Variants in EEPD1 observed in about 807,000 individuals in gnomAD.
EEPD1 encodes the protein endonuclease/exonuclease/phosphatase family domain-containing protein 1.
EEPD1 carries 17 observed loss-of-function variants against 46.3 expected under a neutral mutation model. That is an observed-to-expected ratio of 0.37 (90% confidence interval 0.25 to 0.55). The LOEUF is 0.55. EEPD1 is among the 20% of genes least tolerant of loss of function. The probability of loss-of-function intolerance (pLI) is 0.83; values close to 1 mark genes in which losing one functional copy is unlikely to be tolerated. For synonymous variants in EEPD1, 313 were observed against 315.6 expected (o/e 0.99, Z 0.09); for missense variants, 673 against 745.6 (o/e 0.90, Z 1.13).
intron 5 of EEPD1, among the ~76,000 whole-genome samples, chr7:36,287,367 C>A (rs1265876985): frequency 6.6e-6 from 1 of 151,310 alleles, no homozygotes. Flanking sequence ...TACAGATATG[C>A]AGATATGCCC....
intron 4 of EEPD1, 81 bp from the exon 5 acceptor site, chr7:36,284,605 G>A: frequency 4.6e-6 from 7 of 1,515,962 alleles, no homozygotes; most frequent in Non-Finnish European, 6.2e-6. Flanking sequence ...CTGCCTCTCG[G>A]TCTCTCTGGC....
intron 2 of EEPD1, among the ~76,000 whole-genome samples, chr7:36,236,703 GACTTGGAGA>G (rs1562697169): frequency 6.6e-6 from 1 of 152,132 alleles, no homozygotes; most frequent in Non-Finnish European, 1.5e-5. Flanking sequence ...ATTGGATGGG[GACTTGGAGA>G]ACTTTTCTGT....
At chr7:36,290,035 C>G (rs922119167) in intron 6 of EEPD1, among the ~76,000 whole-genome samples, 8 of 152,200 alleles carry the variant, frequency 5.3e-5, no homozygotes, top group African/African-American at 1.9e-4. Context: ...GATGCTCTAT[C>G]CAAGAAGCAA....
intron 2 of EEPD1, among the ~76,000 whole-genome samples, chr7:36,211,157 C>T (rs2540672): frequency 0.98 from 149,310 of 152,350 alleles, 73,241 homozygotes; most frequent in East Asian, 1. Flanking sequence ...AAGCGCCTTG[C>T]CTGGTTCACT....
chr7:36,189,619 G>C (rs1367633840), intron 2 of EEPD1, among the ~76,000 whole-genome samples: 1 of 152,146 alleles, frequency 6.6e-6, no homozygotes, highest in Non-Finnish European at 1.5e-5. Context: ...CTTGGTGTAG[G>C]TGCTATGGGG....
At chr7:36,181,088 A>G (rs1785263310) in intron 2 of EEPD1, among the ~76,000 whole-genome samples, 1 of 152,156 alleles carries the variant, frequency 6.6e-6, no homozygotes, top group South Asian at 2.1e-4. Flanking sequence ...AGCCTGGAGA[A>G]TGTGCATTTG....
intron 2 of EEPD1, among the ~76,000 whole-genome samples, chr7:36,226,318 T>G (rs1786231040): frequency 1.3e-5 from 2 of 152,144 alleles, no homozygotes; most frequent in South Asian, 4.1e-4. Flanking sequence ...TCCGAGAGGC[T>G]TATGAGGGAA....
intron 2 of EEPD1, among the ~76,000 whole-genome samples, chr7:36,177,500 T>G (rs1017526032): frequency 6.6e-6 from 1 of 152,224 alleles, no homozygotes; most frequent in Non-Finnish European, 1.5e-5. Flanking sequence ...CTCCCACTTA[T>G]AAGTGAAAAC....
chr7:36,276,847 A>G (rs1315868688), intron 3 of EEPD1, among the ~76,000 whole-genome samples: 1 of 152,242 alleles, frequency 6.6e-6, no homozygotes, highest in Non-Finnish European at 1.5e-5. Context: ...GTGATGAGTT[A>G]GCCACTGGGG....
In EEPD1 at chr7:36,154,785, C is replaced by G. The variant is rs1784796062; in HGVS notation, c.461C>G (p.Ser154Trp). Residue 154 changes from serine to tryptophan, a missense_variant, in exon 2 of 8, where the codon TCG (serine) becomes TGG (tryptophan). Transcript: ENST00000242108. This position sits in a 1 kb window ranked among gnomAD's most constrained non-coding sequence, Gnocchi z 4.2. ...CAGCTCATGAGCGTGCGAGGCCTCT[C>G]GGAGAAAATGGCCCTCAGCATCGTG... ...PAQLMSVRGLSEKMALSIVDF... is the reference protein window; with the variant it reads ...PAQLMSVRGLWEKMALSIVDF... The G allele has an allele frequency of 6.2e-7, 1 of 1,614,156 alleles. No homozygotes were observed. Among genetic ancestry groups the G allele is most frequent in the Non-Finnish European group, 8.5e-7 (1 of 1,180,014 alleles).
intron 5 of EEPD1, among the ~76,000 whole-genome samples, chr7:36,285,883 G>T (rs1051202683): frequency 1.3e-5 from 2 of 152,132 alleles, no homozygotes; most frequent in South Asian, 4.1e-4. Context: ...TCACCCTGGG[G>T]GTATCTGTCA....
intron 2 of EEPD1, among the ~76,000 whole-genome samples, chr7:36,223,010 G>A (rs747303798): frequency 5.0e-4 from 76 of 152,132 alleles, no homozygotes; most frequent in Admixed American, 1.3e-3. Context: ...AATTAGGCAG[G>A]CGTGGTGGCG....
At chr7:36,273,268 A>G (rs1583474485) in intron 3 of EEPD1, among the ~76,000 whole-genome samples, 1 of 151,846 alleles carries the variant, frequency 6.6e-6, no homozygotes, top group Non-Finnish European at 1.5e-5. Flanking sequence ...GTTATTCCCA[A>G]CCTCCCAGGG....
At position 36,234,871 on chromosome 7, in the gene EEPD1, C is replaced by T. The variant is rs372575269; in HGVS notation, c.879-4114C>T. Among the ~76,000 whole-genome samples the T allele has an allele frequency of 1.6e-4, 24 of 151,874 alleles. No homozygotes were observed. The East Asian group carries it at 4.7e-3, about 29-fold the overall frequency. On this transcript the variant is annotated intron_variant, in intron 2 of 7. Coordinates refer to ENST00000242108, the MANE Select transcript of EEPD1 (RefSeq NM_030636.3). ...TCCCTAAACAGCCCCTTGGAGCTCTCATGCTTTTACTGTGTGCTGAGTCCA... is the reference window on the plus strand; with the variant it reads ...TCCCTAAACAGCCCCTTGGAGCTCTTATGCTTTTACTGTGTGCTGAGTCCA...
chr7:36,216,516 T>A (rs187751934), intron 2 of EEPD1, among the ~76,000 whole-genome samples: 1 of 152,292 alleles, frequency 6.6e-6, no homozygotes, highest in Non-Finnish European at 1.5e-5. Context: ...GCAAAGCAAT[T>A]TTGCAAAAGT....
At chr7:36,258,018 A>C (rs1334818789) in intron 3 of EEPD1, among the ~76,000 whole-genome samples, 1 of 152,100 alleles carries the variant, frequency 6.6e-6, no homozygotes, top group African/African-American at 2.4e-5. Flanking sequence ...TCGTGTGGAC[A>C]TCTTTTTTGT....
intron 2 of EEPD1, among the ~76,000 whole-genome samples, chr7:36,217,214 C>T (rs1786044190): frequency 6.6e-6 from 1 of 152,244 alleles, no homozygotes; most frequent in Non-Finnish European, 1.5e-5. Context: ...TGATTATGTG[C>T]TAAACAAGGG....
At position 36,154,481 on chromosome 7, in the gene EEPD1, C is replaced by G; in HGVS notation, c.157C>G (p.Leu53Val). The change falls in exon 2 of 8, where the codon CTG becomes GTG. Residue 53 changes from leucine (L) to valine (V), a missense_variant. Physicochemically the swap from Leu to Val is conservative, Grantham distance 32. Transcript: ENST00000242108. The surrounding 1 kb of genome is among the most constrained non-coding windows in gnomAD (Gnocchi z 4.2). ...TGCCACGGAGGAGGAGCTGATGACC[C>G]TGCCTGGGGTGACGCGTGCCGTGGC... ...NTATEEELMT[L>V]PGVTRAVARS... 6.2e-7 allele frequency: 1 copy of G among 1,614,226 alleles called. No homozygotes were observed.
chr7:36,194,234 G>A (rs191134784), intron 2 of EEPD1, among the ~76,000 whole-genome samples: 180 of 152,276 alleles, frequency 1.2e-3, no homozygotes, highest in Admixed American at 2.1e-3. Flanking sequence ...GAGGGCTTCC[G>A]TGGGAACAGC....
Sources: gnomAD v4.1 joint callset for allele counts (sites outside exome capture counted in the v4.1 genomes callset) on GRCh38, gnomAD v4.1.1 for gene constraint, Gnocchi (gnomAD v3.1) non-coding constraint, MANE v1.5 for transcripts, NCBI Gene and HGNC (gene_info 2026-07-23, HGNC 2026-07-21) for gene names.